Variants in LRRC37A2 observed in about 807,000 individuals in gnomAD.
LRRC37A2 encodes the protein leucine-rich repeat-containing protein 37A2.
LRRC37A2 carries 9 observed loss-of-function variants against 68.8 expected under a neutral mutation model. The observed-to-expected ratio is 0.13, with a 90% confidence interval of 0.08 to 0.23. The LOEUF is 0.23. Among genes scored for constraint, LRRC37A2 ranks in the 10% least tolerant of loss-of-function variants. LRRC37A2 has a pLI of 1.00. For missense variants in LRRC37A2, 168 were observed against 950.4 expected (o/e 0.18, Z 10.82); for synonymous variants, 63 against 367.6 (o/e 0.17, Z 9.48).
the LRRC37A2 span, chr17:46,978,405 G>GT: frequency 3.3e-5 from 16 of 491,818 alleles, no homozygotes; most frequent in Non-Finnish European, 5.6e-5. Context: ...AAAAAAACTG[G>GT]TAAGAACCCT....
the LRRC37A2 span, among the ~76,000 whole-genome samples, chr17:46,922,152 C>G: frequency 6.6e-6 from 1 of 152,158 alleles, no homozygotes; most frequent in Non-Finnish European, 1.5e-5. Flanking sequence ...ACTATGCAGC[C>G]ATAAAAAATG....
the LRRC37A2 span, among the ~76,000 whole-genome samples, chr17:46,963,057 C>A: frequency 6.6e-6 from 1 of 152,210 alleles, no homozygotes; most frequent in South Asian, 2.1e-4. Context: ...TCAAGGAAGT[C>A]TTGATAAGGG....
chr17:46,988,080 G>A, the LRRC37A2 span, among the ~76,000 whole-genome samples: 2 of 152,218 alleles, frequency 1.3e-5, no homozygotes, highest in African/African-American at 4.8e-5. Context: ...GCTGAGGTAG[G>A]ACAATCGCTT....
chr17:46,873,561 T>G, the LRRC37A2 span, among the ~76,000 whole-genome samples: 1 of 152,276 alleles, frequency 6.6e-6, no homozygotes, highest in East Asian at 1.9e-4. Flanking sequence ...AAGTTGCCAT[T>G]TAAATGGAAC....
the LRRC37A2 span, among the ~76,000 whole-genome samples, chr17:47,006,127 G>A: frequency 3.3e-5 from 5 of 152,024 alleles, no homozygotes; most frequent in African/African-American, 9.7e-5. Flanking sequence ...GGCCAAGATT[G>A]CACCATTGCA....
At chr17:46,938,920 G>A in the LRRC37A2 span, 5 of 1,515,884 alleles carry the variant, frequency 3.3e-6, no homozygotes, top group Admixed American at 2.0e-5. Context: ...AACCTGCTCT[G>A]TTTTCTGTGA....
chr17:46,905,446 C>A, the LRRC37A2 span, among the ~76,000 whole-genome samples: 1 of 152,162 alleles, frequency 6.6e-6, no homozygotes, highest in Non-Finnish European at 1.5e-5. Flanking sequence ...TTGGAATAAC[C>A]CACTTCCAGC....
chr17:46,979,181 A>C, the LRRC37A2 span: 1 of 637,732 alleles, frequency 1.6e-6, no homozygotes, highest in Non-Finnish European at 2.3e-6. Flanking sequence ...ACCCCTGGGC[A>C]CCGGGCGGGA....
At chr17:46,797,278 G>A in the LRRC37A2 span, among the ~76,000 whole-genome samples, 10 of 152,348 alleles carry the variant, frequency 6.6e-5, no homozygotes, top group East Asian at 1.9e-3. Context: ...TGGCCCAAGA[G>A]CTGTCTGGAA....
the LRRC37A2 span, among the ~76,000 whole-genome samples, chr17:46,987,556 C>T: frequency 1.3e-5 from 2 of 152,140 alleles, no homozygotes; most frequent in Non-Finnish European, 2.9e-5. Flanking sequence ...AGTGCACTGG[C>T]TCTAGGAGGC....
the LRRC37A2 span, chr17:46,939,869 A>G: frequency 6.1e-6 from 6 of 986,224 alleles, no homozygotes; most frequent in Non-Finnish European, 7.3e-6. Flanking sequence ...AAGTCCATCT[A>G]ATGTGGTGAA....
At chr17:46,918,634 CACACAT>C in the LRRC37A2 span, among the ~76,000 whole-genome samples, 175 of 121,916 alleles carry the variant, frequency 1.4e-3, 2 homozygotes, top group East Asian at 0.015. Context: ...CACACACACA[CACACAT>C]ACAATTTCCC....
the LRRC37A2 span, among the ~76,000 whole-genome samples, chr17:46,742,678 G>T: frequency 6.6e-6 from 1 of 152,198 alleles, no homozygotes; most frequent in African/African-American, 2.4e-5. Flanking sequence ...GGCCTGTGTG[G>T]CTATGGAAGG....
the LRRC37A2 span, among the ~76,000 whole-genome samples, chr17:47,007,330 A>G: frequency 3.8e-4 from 58 of 152,256 alleles, no homozygotes; most frequent in African/African-American, 1.3e-3. Flanking sequence ...GGTGCCTGCC[A>G]GCACAGCCAG....
the LRRC37A2 span, among the ~76,000 whole-genome samples, chr17:46,996,309 G>A: frequency 6.6e-6 from 1 of 152,222 alleles, no homozygotes; most frequent in South Asian, 2.1e-4. Flanking sequence ...AGATCAGGTC[G>A]AATGGTGGGC....
At chr17:46,704,919 G>C in the LRRC37A2 span, 3 of 1,527,302 alleles carry the variant, frequency 2.0e-6, no homozygotes, top group African/African-American at 4.3e-5. Flanking sequence ...CAGGCGAAAA[G>C]TAAGTGCCAT....
the LRRC37A2 span, chr17:46,920,987 C>T: frequency 6.6e-6 from 1 of 152,032 alleles, no homozygotes; most frequent in Admixed American, 6.5e-5. Flanking sequence ...TTCTTTGTTT[C>T]TGCTTTTTTT....
the LRRC37A2 span, chr17:46,966,603 C>T: frequency 1.5e-6 from 1 of 688,054 alleles, no homozygotes; most frequent in Admixed American, 2.0e-5. Context: ...CCTGCATCAG[C>T]CTCCCGAAGT....
chr17:46,908,123 G>A, the LRRC37A2 span, among the ~76,000 whole-genome samples: 1 of 152,102 alleles, frequency 6.6e-6, no homozygotes, highest in African/African-American at 2.4e-5. Flanking sequence ...CTATGGCCCT[G>A]CTGTTTGACG....
Sources: gnomAD v4.1 joint callset for allele counts (sites outside exome capture counted in the v4.1 genomes callset) on GRCh38, gnomAD v4.1.1 for gene constraint, MANE v1.5 for transcripts, NCBI Gene and HGNC (gene_info 2026-07-23, HGNC 2026-07-21) for gene names.